The following GPC5 variants were observed in gnomAD, a reference collection of about 807,000 sequenced individuals.
GPC5 encodes glypican 5, also known as glypican-5.
A neutral mutation model predicts 53.9 loss-of-function variants in GPC5; 47 were observed. The observed-to-expected ratio is 0.87, with a 90% CI of 0.69 to 1.11. GPC5 has a LOEUF of 1.11. Among genes scored for constraint, GPC5 ranks in the 50% most tolerant of loss-of-function variants. GPC5 has a pLI of 0.00. For missense variants in GPC5, 748 were observed against 713.1 expected (o/e 1.05, Z -0.56); for synonymous variants, 286 against 263.3 (o/e 1.09, Z -0.84).
intron 6 of GPC5, among the ~76,000 whole-genome samples, chr13:92,026,236 C>T (rs1330692816): frequency 6.6e-6 from 1 of 151,832 alleles, no homozygotes. Flanking sequence ...ATAACATATG[C>T]AAATTATTAA....
chr13:92,468,592 A>C (rs1316174690), intron 7 of GPC5, among the ~76,000 whole-genome samples: 1 of 152,148 alleles, frequency 6.6e-6, no homozygotes, highest in Non-Finnish European at 1.5e-5. Context: ...GTATTTACAT[A>C]AGCAAAATAT....
chr13:91,635,037 T>C (rs905164035), intron 2 of GPC5, among the ~76,000 whole-genome samples: 3 of 152,120 alleles, frequency 2.0e-5, no homozygotes, highest in African/African-American at 7.2e-5. Context: ...AGTCAGAATT[T>C]TGCAGTAGAG....
intron 6 of GPC5, among the ~76,000 whole-genome samples, chr13:92,084,235 A>G (rs1236107242): frequency 1.4e-4 from 22 of 152,234 alleles, no homozygotes; most frequent in Admixed American, 1.4e-3. Flanking sequence ...ACGTTTACCT[A>G]TGTAACAAAC....
chr13:92,042,619 CTGAG>C (rs1361527693), intron 6 of GPC5, among the ~76,000 whole-genome samples: 1 of 152,134 alleles, frequency 6.6e-6, no homozygotes, highest in Non-Finnish European at 1.5e-5. Flanking sequence ...AGAAGAAACA[CTGAG>C]TGAGTGAGGG....
intron 7 of GPC5, among the ~76,000 whole-genome samples, chr13:92,748,553 C>G (rs1594476309): frequency 1.3e-5 from 2 of 151,812 alleles, no homozygotes; most frequent in African/African-American, 2.4e-5. Flanking sequence ...GAACTCCTGA[C>G]CTTGTGATCC....
At chr13:92,680,502 T>C (rs1427373868) in intron 7 of GPC5, among the ~76,000 whole-genome samples, 3 of 152,112 alleles carry the variant, frequency 2.0e-5, no homozygotes, top group Non-Finnish European at 4.4e-5. Context: ...AAAGAACATG[T>C]AATAAGATGA....
At chr13:92,616,043 G>A (rs1319733251) in intron 7 of GPC5, among the ~76,000 whole-genome samples, 1 of 152,110 alleles carries the variant, frequency 6.6e-6, no homozygotes, top group East Asian at 1.9e-4. Flanking sequence ...GACAGAGCGA[G>A]ACTCCGTCTC....
intron 7 of GPC5, among the ~76,000 whole-genome samples, chr13:92,683,298 T>C (rs548799223): frequency 2.6e-5 from 4 of 152,324 alleles, no homozygotes; most frequent in African/African-American, 9.6e-5. Flanking sequence ...CCAGACAGTC[T>C]GTTCCTTGGG....
intron 7 of GPC5, among the ~76,000 whole-genome samples, chr13:92,557,104 A>T (rs1301930641): frequency 1.3e-5 from 2 of 151,592 alleles, no homozygotes; most frequent in East Asian, 3.9e-4. Flanking sequence ...TGAGAGAAAA[A>T]AAAAAGGGAC....
chr13:92,379,899 C>T (rs2043725538), intron 7 of GPC5, among the ~76,000 whole-genome samples: 2 of 152,168 alleles, frequency 1.3e-5, no homozygotes, highest in Admixed American at 6.5e-5. Context: ...GGCAGCCCGT[C>T]ACCTGATTAG....
chr13:91,946,737 G>A (rs926963455), intron 6 of GPC5, among the ~76,000 whole-genome samples: 5 of 151,926 alleles, frequency 3.3e-5, no homozygotes, highest in African/African-American at 9.7e-5. Flanking sequence ...AGTGCCTTTC[G>A]GGGTCCAAAT....
intron 6 of GPC5, among the ~76,000 whole-genome samples, chr13:91,929,050 T>G (rs1409842135): frequency 6.6e-6 from 1 of 152,146 alleles, no homozygotes; most frequent in Admixed American, 6.6e-5. Context: ...TGTTTAGATC[T>G]AACTCTTTCT....
At chr13:91,826,957 G>A (rs1052016499) in intron 5 of GPC5, among the ~76,000 whole-genome samples, 1 of 151,918 alleles carries the variant, frequency 6.6e-6, no homozygotes, top group Non-Finnish European at 1.5e-5. Context: ...GGGAAATAAA[G>A]AGGAGTTGTT....
At chr13:92,819,626 T>C (rs192571418) in intron 7 of GPC5, among the ~76,000 whole-genome samples, 5 of 152,282 alleles carry the variant, frequency 3.3e-5, no homozygotes, top group South Asian at 4.1e-4. Flanking sequence ...AAGTCATATG[T>C]TTTTCTAGTT....
intron 6 of GPC5, among the ~76,000 whole-genome samples, chr13:92,058,552 T>C (rs901446239): frequency 6.6e-6 from 1 of 152,124 alleles, no homozygotes; most frequent in African/African-American, 2.4e-5. Context: ...TACATTAGAA[T>C]TGGGTATTTA....
chr13:92,843,831 A>T (rs1185264212), intron 7 of GPC5, among the ~76,000 whole-genome samples: 1 of 152,130 alleles, frequency 6.6e-6, no homozygotes, highest in African/African-American at 2.4e-5. Flanking sequence ...TGTGTAACTT[A>T]ACTCTCTAAA....
intron 5 of GPC5, among the ~76,000 whole-genome samples, chr13:91,784,842 C>A (rs182054610): frequency 6.6e-6 from 1 of 152,020 alleles, no homozygotes; most frequent in Non-Finnish European, 1.5e-5. Context: ...TTGGCAATAA[C>A]TAGATTAGAA....
intron 6 of GPC5, among the ~76,000 whole-genome samples, chr13:91,993,666 A>G (rs529454209): frequency 6.6e-6 from 1 of 152,302 alleles, no homozygotes; most frequent in Non-Finnish European, 1.5e-5. Context: ...CAATATCCAC[A>G]ATGAACATTT....
intron 7 of GPC5, among the ~76,000 whole-genome samples, chr13:92,683,219 A>T (rs1887160247): frequency 6.6e-6 from 1 of 152,156 alleles, no homozygotes; most frequent in South Asian, 2.1e-4. Flanking sequence ...ATGATTTAGA[A>T]AAAAAAGGAA....
Sources: allele counts gnomAD v4.1 joint callset (sites outside exome capture counted in the v4.1 genomes callset), GRCh38; gene constraint gnomAD v4.1.1; transcripts MANE v1.5; gene names NCBI Gene and HGNC (gene_info 2026-07-23, HGNC 2026-07-21).